WWOX: variants seen among roughly 807,000 people sequenced by gnomAD.
The protein encoded by WWOX is WW domain-containing oxidoreductase.
A neutral mutation model predicts 46.2 loss-of-function variants in WWOX; 69 were observed. That is an observed-to-expected ratio of 1.49 (90% CI 1.23 to 1.82). The LOEUF is 1.82. WWOX is among the 40% of genes most tolerant of loss of function. WWOX has a pLI of 0.00. For missense variants in WWOX, 919 were observed against 542.6 expected (o/e 1.69, Z -6.89); for synonymous variants, 359 against 202.6 (o/e 1.77, Z -6.56).
intron 5 of WWOX, among the ~76,000 whole-genome samples, chr16:78,175,673 T>C (rs1301680198): frequency 6.6e-6 from 1 of 152,168 alleles, no homozygotes; most frequent in Non-Finnish European, 1.5e-5. Context: ...CCCTGGCTGA[T>C]TCATGTCATG....
chr16:78,674,428 G>T (rs1304376950), intron 8 of WWOX, among the ~76,000 whole-genome samples: 1 of 151,984 alleles, frequency 6.6e-6, no homozygotes. Context: ...GGAACTACAG[G>T]CGTCCGCCAC....
intron 8 of WWOX, among the ~76,000 whole-genome samples, chr16:78,473,404 A>G (rs2084277487): frequency 6.6e-6 from 1 of 151,790 alleles, no homozygotes; most frequent in African/African-American, 2.4e-5. Flanking sequence ...TGCTAGGATT[A>G]CAGACATGAG....
intron 8 of WWOX, among the ~76,000 whole-genome samples, chr16:78,745,112 C>T (rs1454545075): frequency 6.6e-6 from 1 of 152,148 alleles, no homozygotes; most frequent in East Asian, 1.9e-4. Flanking sequence ...CTATAGGAGC[C>T]AAGACTAGTT....
At chr16:78,355,373 C>T (rs1012730635) in intron 5 of WWOX, among the ~76,000 whole-genome samples, 5 of 152,124 alleles carry the variant, frequency 3.3e-5, no homozygotes, top group African/African-American at 1.2e-4. Flanking sequence ...GAGGCTGAGG[C>T]GGGCGAATCA....
intron 8 of WWOX, among the ~76,000 whole-genome samples, chr16:78,919,901 A>G (rs377540925): frequency 6.6e-6 from 1 of 152,140 alleles, no homozygotes; most frequent in Non-Finnish European, 1.5e-5. Context: ...TTGATTATAG[A>G]TATATTAATG....
chr16:78,505,713 G>T (rs966061215), intron 8 of WWOX, among the ~76,000 whole-genome samples: 1 of 135,944 alleles, frequency 7.4e-6, no homozygotes, highest in African/African-American at 3.8e-5. Context: ...GCTCTCCCTA[G>T]CACAGGGAGC....
intron 8 of WWOX, among the ~76,000 whole-genome samples, chr16:79,121,349 G>C (rs538135488): frequency 3.9e-5 from 6 of 152,302 alleles, no homozygotes; most frequent in African/African-American, 1.4e-4. Flanking sequence ...AGTACCAGCT[G>C]CTGTGGAAAA....
At chr16:78,504,454 C>T (rs542923966) in intron 8 of WWOX, among the ~76,000 whole-genome samples, 23 of 152,282 alleles carry the variant, frequency 1.5e-4, no homozygotes, top group African/African-American at 5.5e-4. Flanking sequence ...TTTCAAGAAT[C>T]CTCATACAAA....
Position 78,614,157 on chromosome 16 carries a change from G to T in WWOX, c.1056+181405G>T, listed in dbSNP as rs970242017. Among the ~76,000 whole-genome samples, 5 of 152,214 alleles carry T rather than the reference G, an allele frequency of 3.3e-5. No individual in the cohort carries two copies. In the East Asian group the frequency reaches 7.7e-4, roughly 23 times the overall value. ...CAGAATGAATGAATATTCACACTCA[G>T]TGGGACAAACAACTTCTGTCAGCTG... On this transcript the variant is annotated intron_variant, in intron 8 of 8. Transcript: ENST00000566780.
At chr16:79,080,556 C>G (rs2048741837) in intron 8 of WWOX, among the ~76,000 whole-genome samples, 1 of 152,214 alleles carries the variant, frequency 6.6e-6, no homozygotes, top group South Asian at 2.1e-4. Context: ...ATACCCAGAA[C>G]CAGATTGTCT....
intron 8 of WWOX, among the ~76,000 whole-genome samples, chr16:78,528,203 A>G (rs1378517213): frequency 8.6e-5 from 9 of 104,148 alleles, no homozygotes; most frequent in African/African-American, 3.9e-4. Flanking sequence ...TTTAGTCGAG[A>G]CAGGGTTTCA....
chr16:78,279,600 T>A (rs1723417440), intron 5 of WWOX, among the ~76,000 whole-genome samples: 1 of 152,100 alleles, frequency 6.6e-6, no homozygotes, highest in Non-Finnish European at 1.5e-5. Context: ...CTAAAGAAAA[T>A]GCCTCTGCTG....
intron 8 of WWOX, among the ~76,000 whole-genome samples, chr16:78,871,642 C>T (rs780901624): frequency 6.6e-6 from 1 of 152,202 alleles, no homozygotes; most frequent in African/African-American, 2.4e-5. Context: ...CCAGGTTGCT[C>T]AGGCTGGAGT....
chr16:78,655,098 T>A (rs990323745), intron 8 of WWOX, among the ~76,000 whole-genome samples: 2 of 152,116 alleles, frequency 1.3e-5, no homozygotes, highest in Non-Finnish European at 2.9e-5. Flanking sequence ...CTGGTCCTTA[T>A]CAACCGTATT....
At chr16:78,162,141 T>C (rs1412794892) in intron 4 of WWOX, among the ~76,000 whole-genome samples, 1 of 152,218 alleles carries the variant, frequency 6.6e-6, no homozygotes, top group Non-Finnish European at 1.5e-5. Context: ...AGGTGTAGTG[T>C]AGGTGACAAA....
intron 8 of WWOX, among the ~76,000 whole-genome samples, chr16:78,582,809 A>G (rs1454412962): frequency 6.6e-6 from 1 of 152,118 alleles, no homozygotes; most frequent in Non-Finnish European, 1.5e-5. Context: ...TTTGATTGCA[A>G]AATGCCCTGA....
chr16:78,892,382 T>C (rs1445782106), intron 8 of WWOX: 1 of 152,352 alleles, frequency 6.6e-6, no homozygotes. Context: ...GCTGATGAGA[T>C]GCCTTCGAGA....
chr16:79,005,069 G>C (rs56892093), intron 8 of WWOX, among the ~76,000 whole-genome samples: 1 of 152,060 alleles, frequency 6.6e-6, no homozygotes, highest in Non-Finnish European at 1.5e-5. Flanking sequence ...CCCTGTACTG[G>C]GCACATGGAT....
chr16:78,977,812 C>A (rs928065544), intron 8 of WWOX, among the ~76,000 whole-genome samples: 1 of 152,242 alleles, frequency 6.6e-6, no homozygotes, highest in East Asian at 1.9e-4. Flanking sequence ...ACCAAGCTCC[C>A]ATCTGGGAAG....
Sources: allele counts gnomAD v4.1 joint callset (sites outside exome capture counted in the v4.1 genomes callset), GRCh38; gene constraint gnomAD v4.1.1; transcripts MANE v1.5; gene names NCBI Gene and HGNC (gene_info 2026-07-23, HGNC 2026-07-21).